The following C5 variants were observed in gnomAD, a reference collection of about 807,000 sequenced individuals.
C5 encodes the protein C3 and PZP-like alpha-2-macroglobulin domain-containing protein 4.
C5 carries 140 observed loss-of-function variants against 218.8 expected under a neutral mutation model. The ratio of observed to expected loss-of-function variants is 0.64; its 90% CI spans 0.56 to 0.74. The LOEUF (loss-of-function observed/expected upper bound fraction) is 0.74. C5 is among the 30% of genes least tolerant of loss of function. The pLI is 0.00. For synonymous variants in C5, 614 were observed against 682.3 expected (o/e 0.90, Z 1.56); for missense variants, 1,700 against 1,969.6 (o/e 0.86, Z 2.59).
intron 18 of C5, among the ~76,000 whole-genome samples, chr9:121,007,566 T>C (rs1486110521): frequency 6.6e-6 from 1 of 152,214 alleles, no homozygotes. Flanking sequence ...CAGTGTGCTT[T>C]CGTTCAACAC....
chr9:121,042,469 G>A (rs1473917673), intron 3 of C5, among the ~76,000 whole-genome samples: 1 of 152,192 alleles, frequency 6.6e-6, no homozygotes, highest in East Asian at 1.9e-4. Flanking sequence ...CCCTAGGTTA[G>A]ATTTATTTTT....
At position 121,013,986 on chromosome 9, in the gene C5, G is replaced by A; in HGVS notation, c.2144C>T (p.Ala715Val). ...VNNDETCEQR[A>V]ARISLGPRCI... Reference sequence around the variant, plus strand: ...TCTTGGCCCTAAACTAATCCGTGCAGCTCGCTGCTCACAGGTTTCATCATT... The same window carrying A: ...TCTTGGCCCTAAACTAATCCGTGCAACTCGCTGCTCACAGGTTTCATCATT... Residue 715 changes from alanine to valine, a missense_variant, in exon 17 of 41, where the codon GCT becomes GTT. Coordinates refer to ENST00000223642, the MANE Select transcript of C5 (RefSeq NM_001735.3). 1 of 1,614,166 alleles carries A rather than the reference G, an allele frequency of 6.2e-7. No homozygotes were observed. Among genetic ancestry groups the A allele is most frequent in the South Asian group, 1.1e-5 (1 of 91,086 alleles).
chr9:121,044,741 T>C (rs1041499153), intron 2 of C5, among the ~76,000 whole-genome samples: 14 of 152,334 alleles, frequency 9.2e-5, no homozygotes, highest in Admixed American at 7.8e-4. Context: ...CAGAGAACTT[T>C]CTGTGATGAC....
Position 121,020,085 on chromosome 9 carries a change from T to C in C5, c.1397A>G (p.Tyr466Cys). ...AYSSLSQSYLYIDWTDNHKAL... is the reference protein window; with the variant it reads ...AYSSLSQSYLCIDWTDNHKAL... ...CTTATGGTTATCAGTCCAATCAATATAAAGGTAACTTTGGCTGAGAGATGA... is the reference window on the plus strand; with the variant it reads ...CTTATGGTTATCAGTCCAATCAATACAAAGGTAACTTTGGCTGAGAGATGA... Residue 466 changes from tyrosine to cysteine, a missense_variant, in exon 12 of 41, where the codon TAT becomes TGT. Tyr to Cys is a radical substitution (Grantham distance 194). Transcript: ENST00000223642. 1 of 1,613,516 alleles carries C rather than the reference T, an allele frequency of 6.2e-7. No homozygotes were observed. Among genetic ancestry groups the C allele is most frequent in the Non-Finnish European group, 8.5e-7 (1 of 1,179,456 alleles).
rs773170403 is a variant in C5, at chr9:121,032,138, G to A, written c.642C>T (p.Thr214=). The change falls in exon 6 of 41, where the codon ACC becomes ACT. Residue 214 remains threonine (T), a synonymous_variant. Coordinates refer to ENST00000223642, the MANE Select transcript of C5 (RefSeq NM_001735.3). ...KYKEDFSTTG[T]AYFEVKEYVL... is the part of the protein sequence containing the mutation. ...CATATTCTTTAACTTCAAAATATGC[G>A]GTTCCAGTTGTTGAAAAGTCCTCTT... The A allele has an allele frequency of 5.0e-5, 80 of 1,603,808 alleles. 1 individual carries two copies. Among genetic ancestry groups the A allele is most frequent in the Non-Finnish European group, 6.5e-5 (76 of 1,171,012 alleles).
At chr9:121,037,602 C>T (rs567089586) in intron 4 of C5, among the ~76,000 whole-genome samples, 7 of 152,224 alleles carry the variant, frequency 4.6e-5, no homozygotes, top group African/African-American at 1.4e-4. Flanking sequence ...TGAGCCACCA[C>T]GCCCGGCCAG....
At chr9:121,016,885 C>T (rs1337013739) in intron 14 of C5, among the ~76,000 whole-genome samples, 1 of 152,016 alleles carries the variant, frequency 6.6e-6, no homozygotes, top group African/African-American at 2.4e-5. Flanking sequence ...TCAGTCCTTC[C>T]TTCCTTGTTC....
intron 23 of C5, among the ~76,000 whole-genome samples, chr9:120,990,624 G>C (rs1338049338): frequency 6.6e-6 from 1 of 152,124 alleles, no homozygotes; most frequent in Non-Finnish European, 1.5e-5. Context: ...GGAGGATACA[G>C]CAACATATAT....
chr9:120,987,636 CAAA>C (rs36095132), intron 25 of C5, among the ~76,000 whole-genome samples: 1 of 110,988 alleles, frequency 9.0e-6, no homozygotes. Flanking sequence ...GACTCCGTCT[CAAA>C]AAAAAAAAAA....
intron 12 of C5, among the ~76,000 whole-genome samples, chr9:121,018,608 AG>A: frequency 8.7e-6 from 1 of 114,448 alleles, no homozygotes; most frequent in Non-Finnish European, 1.8e-5. Context: ...GAAGGAAGGA[AG>A]GAAGGAAGGC....
chr9:121,072,323 T>G, the C5 span, among the ~76,000 whole-genome samples: 1 of 152,166 alleles, frequency 6.6e-6, no homozygotes, highest in Non-Finnish European at 1.5e-5. Context: ...ACACCACGGC[T>G]TGATAATGGA....
the C5 span, among the ~76,000 whole-genome samples, chr9:121,066,032 A>T: frequency 3.9e-5 from 6 of 152,142 alleles, no homozygotes; most frequent in Admixed American, 3.9e-4. Context: ...ATGCAGCAAC[A>T]GGTTGGGCGC....
At chr9:121,019,834 G>T (rs937676947) in intron 12 of C5, 142 bp downstream of exon 12, 1 of 634,186 alleles carries the variant, frequency 1.6e-6, no homozygotes, top group Non-Finnish European at 2.8e-6. Flanking sequence ...GGTTTTTTGA[G>T]AAACTGATGT....
In C5 at chr9:121,017,841, C is replaced by G; in HGVS notation, c.1518G>C (p.Lys506Asn). 6.2e-7 allele frequency: 1 copy of G among 1,611,054 alleles called. No individual in the cohort carries two copies. Among genetic ancestry groups the G allele is most frequent in the Non-Finnish European group, 8.5e-7 (1 of 1,177,580 alleles). ...TCGTGCCAAAGTGGATAATTTTGCCCTTGGATAAAATCTAAAAATAAACAG... is the reference window on the plus strand; with the variant it reads ...TCGTGCCAAAGTGGATAATTTTGCCGTTGGATAAAATCTAAAAATAAACAG... Reference protein sequence around the residue: ...ITHYNYLILSKGKIIHFGTRE... With the variant: ...ITHYNYLILSNGKIIHFGTRE... The change falls in exon 13 of 41, where the codon AAG (lysine) becomes AAC (asparagine). Residue 506 changes from lysine (K) to asparagine (N), a missense_variant. Coordinates refer to ENST00000223642, the MANE Select transcript of C5 (RefSeq NM_001735.3).
Position 121,046,230 on chromosome 9 carries a change from T to C in C5, c.219A>G (p.Leu73=), listed in dbSNP as rs769016817. Residue 73 remains leucine, a synonymous_variant, in exon 2 of 41, where the codon TTA becomes TTG. Transcript: ENST00000223642. ...AGTTTTGGAATTTATTCTCTGAGGA[T>C]AAATGAACATGGCCTGAGGAGTAAC... ...KFSYSSGHVH[L]SSENKFQNSA... is the part of the protein sequence containing the mutation. 6.2e-6 allele frequency: 10 copies of C among 1,604,448 alleles called. No homozygotes were observed. In the South Asian group the frequency reaches 7.7e-5, roughly 12 times the overall value.
chr9:121,024,413 T>A (rs2047401780), intron 9 of C5, among the ~76,000 whole-genome samples: 1 of 148,868 alleles, frequency 6.7e-6, no homozygotes, highest in African/African-American at 2.5e-5. Context: ...AAGAGCCCAA[T>A]AATGTTATCC....
At chr9:120,972,481 T>C (rs2046922135) in intron 30 of C5, among the ~76,000 whole-genome samples, 1 of 152,186 alleles carries the variant, frequency 6.6e-6, no homozygotes, top group African/African-American at 2.4e-5. Flanking sequence ...TTTCCATCTC[T>C]TGATGATTTA....
chr9:120,998,868 A>G (rs906335633), intron 20 of C5, among the ~76,000 whole-genome samples: 5 of 152,268 alleles, frequency 3.3e-5, no homozygotes, highest in Non-Finnish European at 5.9e-5. Flanking sequence ...TAAGTCAAGC[A>G]GGTAAACAAA....
intron 21 of C5, among the ~76,000 whole-genome samples, chr9:120,996,582 G>C (rs1176108530): frequency 6.6e-6 from 1 of 152,220 alleles, no homozygotes; most frequent in East Asian, 1.9e-4. Context: ...ACCTCTATGA[G>C]GTTGGTGCTG....
Sources: gnomAD v4.1 joint callset for allele counts (sites outside exome capture counted in the v4.1 genomes callset) on GRCh38, gnomAD v4.1.1 for gene constraint, MANE v1.5 for transcripts, NCBI Gene and HGNC (gene_info 2026-07-23, HGNC 2026-07-21) for gene names.